Variants in EPHA10 observed in about 807,000 individuals in gnomAD.
EPHA10 encodes the protein EPH receptor A10.
Under a neutral mutation model 109.7 loss-of-function variants are expected in EPHA10, and 120 were observed. That is an observed-to-expected ratio of 1.09 (90% confidence interval 0.94 to 1.27). The LOEUF is 1.27. Ranked by LOEUF, EPHA10 falls within the 50% of genes most tolerant of loss-of-function variation. The pLI, the probability that EPHA10 is intolerant of heterozygous loss-of-function variation, is 0.00. For missense variants in EPHA10, 1,396 were observed against 1,411.1 expected (o/e 0.99, Z 0.17); for synonymous variants, 640 against 618.9 (o/e 1.03, Z -0.51).
rs1179124778 is a variant in EPHA10, at chr1:37,761,720, C to G, written c.535G>C (p.Glu179Gln). ...CCCCGCCGGCTGAGCGGTCCGATCT[C>G]GCGCACCTCTGTGTTCAGCTTCATC... Reference protein sequence around the residue: ...RKMKLNTEVREIGPLSRRGFH... With the variant: ...RKMKLNTEVRQIGPLSRRGFH... Residue 179 changes from glutamate (E) to glutamine (Q), a missense_variant, in exon 3 of 17, where the codon GAG becomes CAG. Coordinates refer to ENST00000373048, the MANE Select transcript of EPHA10 (RefSeq NM_001099439.2). The G allele has an allele frequency of 1.2e-6, 2 of 1,613,686 alleles. No homozygotes were observed. The highest frequency in any genetic ancestry group is 1.1e-5 in the South Asian group (1 of 91,068).
intron 6 of EPHA10, 135 bp downstream of exon 6, chr1:37,735,122 G>A: frequency 8.5e-7 from 1 of 1,181,220 alleles, no homozygotes; most frequent in Non-Finnish European, 1.2e-6. Context: ...TCGAGCCTGG[G>A]GCCCCTAGGA....
chr1:37,715,113 T>A (rs915911440), downstream of EPHA10: 1 of 152,226 alleles, frequency 6.6e-6, no homozygotes, highest in Non-Finnish European at 1.5e-5. Context: ...CACTGCAACC[T>A]CCATCTCCTG....
Position 37,754,180 on chromosome 1 carries a change from C to T in EPHA10, c.1006+35G>A, listed in dbSNP as rs750570558. ...TTCCTTCTTGGCCACTCCCACCCCC[C>T]ACCCTCCGCAGTGCAGCCTGGAGGG... On this transcript the variant is annotated intron_variant, in intron 4 of 16. Transcript: ENST00000373048. The surrounding 1 kb of genome is among the most constrained non-coding windows in gnomAD (Gnocchi z 4.5). 2 of 1,266,930 alleles carry T rather than the reference C, an allele frequency of 1.6e-6. No individual in the cohort carries two copies. Among genetic ancestry groups the T allele is most frequent in the African/African-American group, 3.1e-5 (2 of 64,480 alleles). The allele number at this position is 1,266,930 out of a possible 1,614,324, so 78.5% of individuals were successfully genotyped here.
chr1:37,723,000 G>A, intron 10 of EPHA10, 41 bp downstream of exon 10: 1 of 1,613,656 alleles, frequency 6.2e-7, no homozygotes, highest in Non-Finnish European at 8.5e-7. Context: ...AGTGGGTGAG[G>A]CTTCCAGATG....
chr1:37,739,670 TAG>T (rs1294522334), intron 5 of EPHA10, among the ~76,000 whole-genome samples: 1 of 117,118 alleles, frequency 8.5e-6, no homozygotes, highest in Non-Finnish European at 1.6e-5. Flanking sequence ...GCCTGGTTGA[TAG>T]AGTGAGACCC....
intron 3 of EPHA10, among the ~76,000 whole-genome samples, chr1:37,756,986 T>A (rs938277810): frequency 5.9e-5 from 9 of 152,132 alleles, no homozygotes; most frequent in Non-Finnish European, 1.3e-4. Flanking sequence ...TGTGCAACCA[T>A]GCCTGGCTAA....
chr1:37,762,950 G>A, intron 1 of EPHA10, 101 bp from the exon 2 acceptor site: 1 of 1,137,906 alleles, frequency 8.8e-7, no homozygotes, highest in Non-Finnish European at 1.2e-6. Context: ...CTGAGAGAAT[G>A]CAATATGTGA....
rs779536651 is a variant in EPHA10 at position 37,761,912 on chromosome 1, T to C, written c.343A>G (p.Ile115Val). Residue 115 changes from isoleucine (I) to valine (V), a missense_variant, in exon 3 of 17, where the codon ATC becomes GTC. Ile to Val is a conservative substitution (Grantham distance 29). Transcript: ENST00000373048. ...TTGCAGGTACCCGCGGCGCCAGGGA[T>C]GCTGCTGCAGTCACGGAGTGTGAAC... ...LQFTLRDCSS[I>V]PGAAGTCKET... 6.2e-7 allele frequency: 1 copy of C among 1,612,594 alleles called. No homozygotes were observed. Among genetic ancestry groups the C allele is most frequent in the African/African-American group, 1.3e-5 (1 of 74,936 alleles).
chr1:37,750,988 G>T (rs1188719192), intron 5 of EPHA10, among the ~76,000 whole-genome samples: 3 of 149,522 alleles, frequency 2.0e-5, no homozygotes, highest in Non-Finnish European at 4.5e-5. Context: ...GACAGATCAC[G>T]AGCTCAGGAG....
Position 37,731,439 on chromosome 1 carries a change from G to A in EPHA10, c.1635C>T (p.Pro545=). ...CCCCCAGGGTCTGTACTTCAATGCTGGGGTTAAAACTCTGGGCCTCCCAGG... is the reference window on the plus strand; with the variant it reads ...CCCCCAGGGTCTGTACTTCAATGCTAGGGTTAAAACTCTGGGCCTCCCAGG... ...GPSWEAQSFN[P]SIEVQTLGEA... Residue 545 remains proline (P), a synonymous_variant, in exon 7 of 17, where the codon CCC becomes CCT. Coordinates refer to ENST00000373048, the MANE Select transcript of EPHA10 (RefSeq NM_001099439.2). 1 of 1,612,496 alleles carries A rather than the reference G, an allele frequency of 6.2e-7. No individual in the cohort carries two copies. Among genetic ancestry groups the A allele is most frequent in the African/African-American group, 1.3e-5 (1 of 74,980 alleles).
Position 37,753,195 on chromosome 1 carries a change from G to C in EPHA10, c.1038C>G (p.Tyr346Ter). 7.4e-7 allele frequency: 1 copy of C among 1,358,782 alleles called. No individual in the cohort carries two copies. 84.2% of individuals were successfully genotyped at this position (1,358,782 alleles called of 1,614,324 possible). A position where few individuals can be genotyped will look rare whatever the true frequency, so the allele number is the denominator to read the frequency against. Residue 346 changes from tyrosine to a stop codon, truncating the protein, a stop_gained, in exon 5 of 17, where the codon TAC becomes TAG. Coordinates refer to ENST00000373048, the MANE Select transcript of EPHA10 (RefSeq NM_001099439.2). LOFTEE classifies it high-confidence loss of function. Reference protein sequence around the residue: ...RPPSAPRDLQYSLSRSPLVLR... With the variant: ...RPPSAPRDLQ ...GCACCAGCGGCGAGCGGCTCAGGCT[G>C]TACTGCAGGTCCCGCGGCGCCGACG...
In EPHA10 at chr1:37,719,173, T is replaced by G. The variant is rs1426787782; in HGVS notation, c.2756+241A>C. On this transcript the variant is annotated intron_variant, in intron 15 of 16. Coordinates refer to ENST00000373048, the MANE Select transcript of EPHA10 (RefSeq NM_001099439.2). ...TTAGGGCTATTACCACATCTATTTC[T>G]CCAGTCAAAGGTCATTGTACCCGGG... The G allele has an allele frequency of 5.0e-6, 3 of 598,944 alleles. No individual in the cohort carries two copies. The Admixed American group carries it at 8.9e-5, about 18-fold the overall frequency. The allele number at this position is 598,944 out of a possible 1,614,324, so 37.1% of individuals were successfully genotyped here. A position where few individuals can be genotyped will look rare whatever the true frequency, so the allele number is the denominator to read the frequency against.
chr1:37,761,749 C>A lies in EPHA10; in HGVS notation c.506G>T (p.Arg169Leu), dbSNP rs1646433880. The change falls in exon 3 of 17, where the codon CGC (arginine) becomes CTC (leucine). Residue 169 changes from arginine to leucine, a missense_variant. By Grantham distance (102) the Arg-to-Leu change is moderately radical (BLOSUM62 -2). Transcript: ENST00000373048. ...ESFTQGDLGE[R>L]KMKLNTEVRE... The stretch of plus-strand genomic sequence containing the variant: ...CACCTCTGTGTTCAGCTTCATCTTG[C>A]GCTCACCCAGGTCGCCCTGCGTGAA... 6.2e-7 allele frequency: 1 copy of A among 1,613,706 alleles called. No individual in the cohort carries two copies. The highest frequency in any genetic ancestry group is 1.7e-5 in the Admixed American group (1 of 60,006).
chr1:37,733,801 A>ACT (rs377178861), intron 6 of EPHA10, among the ~76,000 whole-genome samples: 71 of 143,984 alleles, frequency 4.9e-4, no homozygotes, highest in Non-Finnish European at 6.7e-4. Flanking sequence ...CAACACTCTC[A>ACT]CTCTCTCTCT....
At chr1:37,728,812 G>T (rs1645936034) in intron 7 of EPHA10, among the ~76,000 whole-genome samples, 1 of 152,154 alleles carries the variant, frequency 6.6e-6, no homozygotes, top group Admixed American at 6.5e-5. Flanking sequence ...GGGTTCCAGA[G>T]GCAAAGAGGG....
chr1:37,732,615 C>G (rs1646003065), intron 6 of EPHA10, among the ~76,000 whole-genome samples: 1 of 152,132 alleles, frequency 6.6e-6, no homozygotes, highest in African/African-American at 2.4e-5. Flanking sequence ...CAAGGTAGGG[C>G]AGGCTAGGGG....
At chr1:37,723,415 G>T (rs369677936) in intron 8 of EPHA10, 43 bp from the exon 9 acceptor site, 3 of 1,606,882 alleles carry the variant, frequency 1.9e-6, no homozygotes, top group Non-Finnish European at 1.7e-6. Context: ...AGGCCACCCC[G>T]GCCCTTCCCA....
At position 37,754,168 on chromosome 1, in the gene EPHA10, A is replaced by T. The variant is rs1333030927; in HGVS notation, c.1006+47T>A. ...CTGGATCAGGCCTTCCTTCTTGGCC[A>T]CTCCCACCCCCCACCCTCCGCAGTG... On this transcript the variant is annotated intron_variant, in intron 4 of 16. Transcript: ENST00000373048. This position sits in a 1 kb window ranked among gnomAD's most constrained non-coding sequence, Gnocchi z 4.5. 15 of 1,258,048 alleles carry T rather than the reference A, an allele frequency of 1.2e-5. No homozygotes were observed. Among genetic ancestry groups the T allele is most frequent in the Non-Finnish European group, 1.4e-5 (14 of 994,394 alleles). The allele number at this position is 1,258,048 out of a possible 1,614,324, so 77.9% of individuals were successfully genotyped here.
chr1:37,721,914 G>A (rs980053773), intron 10 of EPHA10, 69 bp from the exon 11 acceptor site: 53 of 1,393,758 alleles, frequency 3.8e-5, no homozygotes, highest in South Asian at 2.2e-4. Context: ...AGGCTGAGCC[G>A]AGGAGAAAGT....
Sources: gnomAD v4.1 joint callset for allele counts (sites outside exome capture counted in the v4.1 genomes callset) on GRCh38, gnomAD v4.1.1 for gene constraint, Gnocchi (gnomAD v3.1) non-coding constraint, MANE v1.5 for transcripts, NCBI Gene and HGNC (gene_info 2026-07-23, HGNC 2026-07-21) for gene names.